PLAAT3: variants seen among roughly 807,000 people sequenced by gnomAD.
PLAAT3 encodes Ca-independent phospholipase A1/2.
In PLAAT3, 21 loss-of-function variants were observed where a neutral mutation model predicts 16.7. That is an observed-to-expected ratio of 1.26 (90% CI 0.89 to 1.81). The LOEUF (loss-of-function observed/expected upper bound fraction) is 1.81. Among genes scored for constraint, PLAAT3 ranks in the 40% most tolerant of loss-of-function variants. PLAAT3 has a pLI of 0.00. For missense variants in PLAAT3, 219 were observed against 213.7 expected (o/e 1.02, Z -0.16); for synonymous variants, 76 against 81.7 (o/e 0.93, Z 0.38).
chr11:63,594,708 G>T (rs1201674181), intron 3 of PLAAT3, among the ~76,000 whole-genome samples: 1 of 152,186 alleles, frequency 6.6e-6, no homozygotes, highest in Non-Finnish European at 1.5e-5. Context: ...AGACAAAGCT[G>T]TAATGAGATC....
chr11:63,595,491 G>A (rs1296143943), intron 3 of PLAAT3, among the ~76,000 whole-genome samples: 2 of 152,092 alleles, frequency 1.3e-5, no homozygotes, highest in African/African-American at 4.8e-5. Flanking sequence ...GCTAAAAGAA[G>A]CCAGACACAA....
rs541204796 is a variant in PLAAT3, at chr11:63,585,194, T to G, written c.387+4906A>C. On this transcript the variant is annotated intron_variant, in intron 4 of 4. Transcript: ENST00000415826. ...TGCACACCACCACGCCCAGCTAATT[T>G]TTGTATTTTTAGTAGAAACGGGGTT... Among the ~76,000 whole-genome samples the G allele has an allele frequency of 3.3e-5, 5 of 152,138 alleles. No individual in the cohort carries two copies. In the East Asian group the frequency reaches 9.7e-4, roughly 30 times the overall value.
At chr11:63,615,028 G>GTATATA (rs1565259459), upstream of PLAAT3, among the ~76,000 whole-genome samples, 5 of 32,500 alleles carry the variant, frequency 1.5e-4, no homozygotes, top group South Asian at 1.4e-3. Context: ...ATATATATAT[G>GTATATA]TGTGTATATA....
chr11:63,582,401 T>C (rs1937843682), intron 4 of PLAAT3, among the ~76,000 whole-genome samples: 1 of 152,146 alleles, frequency 6.6e-6, no homozygotes, highest in African/African-American at 2.4e-5. Context: ...GGGATAGACG[T>C]GTCCAAGCAA....
intron 2 of PLAAT3, among the ~76,000 whole-genome samples, chr11:63,605,465 G>A (rs951939131): frequency 6.6e-6 from 1 of 152,174 alleles, no homozygotes; most frequent in African/African-American, 2.4e-5. Context: ...CACACAGATT[G>A]TGCAATTATG....
At chr11:63,576,924 GA>G (rs1197415273) in intron 4 of PLAAT3, among the ~76,000 whole-genome samples, 1 of 151,758 alleles carries the variant, frequency 6.6e-6, no homozygotes, top group African/African-American at 2.4e-5. Flanking sequence ...ATTTCTCTTG[GA>G]AAAAAAGAAA....
chr11:63,598,773 G>T, intron 2 of PLAAT3: 1 of 509,512 alleles, frequency 2.0e-6, no homozygotes, highest in Non-Finnish European at 3.9e-6. Context: ...CCTGGCCTGG[G>T]CCTAATGGAG....
At chr11:63,599,360 G>A (rs1015541075) in intron 2 of PLAAT3, among the ~76,000 whole-genome samples, 4 of 152,050 alleles carry the variant, frequency 2.6e-5, no homozygotes, top group Admixed American at 6.6e-5. Flanking sequence ...CCCACATCTC[G>A]CCAGCAAGCT....
chr11:63,607,127 G>A (rs1938588269), intron 2 of PLAAT3, among the ~76,000 whole-genome samples: 1 of 152,180 alleles, frequency 6.6e-6, no homozygotes, highest in African/African-American at 2.4e-5. Context: ...GGAAAGAGGA[G>A]TCAGATGACT....
intron 4 of PLAAT3, 64 bp downstream of exon 4, chr11:63,590,036 C>T: frequency 1.3e-6 from 2 of 1,517,740 alleles, no homozygotes; most frequent in African/African-American, 2.7e-5. Flanking sequence ...TAGCCATGCC[C>T]AGCCTCCGTC....
At chr11:63,606,760 T>C (rs1938577560) in intron 2 of PLAAT3, among the ~76,000 whole-genome samples, 1 of 151,460 alleles carries the variant, frequency 6.6e-6, no homozygotes, top group African/African-American at 2.4e-5. Context: ...GAGGCCGGAG[T>C]AGGCGTGCGG....
At position 63,574,555 on chromosome 11, in the gene PLAAT3, C is replaced by T. The variant is rs566427664; in HGVS notation, c.*390G>A. 6.0e-4 allele frequency: 98 copies of T among 162,202 alleles called. 1 individual carries two copies. Among genetic ancestry groups the T allele is most frequent in the African/African-American group, 2.2e-3 (91 of 40,946 alleles). 10.0% of individuals were successfully genotyped at this position (162,202 alleles called of 1,614,324 possible). On this transcript the variant is annotated 3_prime_UTR_variant, in exon 5 of 5. Coordinates refer to ENST00000415826, the MANE Select transcript of PLAAT3 (RefSeq NM_001128203.2). ...TCTAGTTCCGGGCCAAGGGTCCTGG[C>T]TGTCTGCTGCTTTCTGTTCTTGTGT...
intron 3 of PLAAT3, 74 bp from the exon 4 acceptor site, chr11:63,590,442 C>G (rs1197360301): frequency 7.3e-7 from 1 of 1,378,884 alleles, no homozygotes; most frequent in Non-Finnish European, 1.0e-6. Context: ...TGGCCCCCAG[C>G]CGGGCATCTG....
chr11:63,607,534 G>C (rs1938597978), intron 2 of PLAAT3, among the ~76,000 whole-genome samples: 1 of 151,844 alleles, frequency 6.6e-6, no homozygotes. Context: ...AAAGAAAAGA[G>C]AGAGAATGGG....
At chr11:63,595,290 CG>C (rs1225823205) in intron 3 of PLAAT3, among the ~76,000 whole-genome samples, 3 of 75,772 alleles carry the variant, frequency 4.0e-5, no homozygotes, top group East Asian at 4.4e-4. Flanking sequence ...GACTCCGTCT[CG>C]GAAAAAAAAA....
upstream of PLAAT3, chr11:63,616,188 G>T (rs1490443745): frequency 2.6e-5 from 4 of 152,010 alleles, no homozygotes; most frequent in African/African-American, 9.7e-5. Flanking sequence ...TAGATCTGGT[G>T]AACTTATTCC....
At chr11:63,608,226 T>C (rs1037365572) in intron 2 of PLAAT3, among the ~76,000 whole-genome samples, 5 of 152,264 alleles carry the variant, frequency 3.3e-5, no homozygotes, top group South Asian at 2.1e-4. Context: ...CAGGTGATTC[T>C]ACTGTGTAGC....
intron 3 of PLAAT3, among the ~76,000 whole-genome samples, chr11:63,591,056 G>C (rs1025367266): frequency 1.3e-5 from 2 of 152,208 alleles, no homozygotes; most frequent in Non-Finnish European, 2.9e-5. Flanking sequence ...GTGTGGCGCA[G>C]GGAGAGGCAG....
intron 4 of PLAAT3, among the ~76,000 whole-genome samples, chr11:63,587,557 CT>C (rs202174219): frequency 0.02 from 2,691 of 136,636 alleles, 73 homozygotes; most frequent in Admixed American, 0.072. Context: ...TTTCTTGGGT[CT>C]TTTTTTTTTT....
Sources: gnomAD v4.1 joint callset for allele counts (sites outside exome capture counted in the v4.1 genomes callset) on GRCh38, gnomAD v4.1.1 for gene constraint, MANE v1.5 for transcripts, NCBI Gene and HGNC (gene_info 2026-07-23, HGNC 2026-07-21) for gene names.